TSPAN11: variants seen among roughly 807,000 people sequenced by gnomAD.
TSPAN11 encodes the protein tetraspanin 11.
Under a neutral mutation model 32.9 loss-of-function variants are expected in TSPAN11, and 29 were observed. That is an observed-to-expected ratio of 0.88 (90% CI 0.66 to 1.20). The LOEUF (loss-of-function observed/expected upper bound fraction) is 1.20, where lower values mean the gene tolerates loss of function less well. Ranked by LOEUF, TSPAN11 falls within the 50% of genes most tolerant of loss-of-function variation. The pLI is 0.00. For synonymous variants in TSPAN11, 140 were observed against 141.3 expected (o/e 0.99, Z 0.07); for missense variants, 283 against 329.1 (o/e 0.86, Z 1.08).
At chr12:30,932,631 T>C (rs1340373307) in intron 1 of TSPAN11, among the ~76,000 whole-genome samples, 1 of 152,182 alleles carries the variant, frequency 6.6e-6, no homozygotes, top group African/African-American at 2.4e-5. Flanking sequence ...CAGTGATTCA[T>C]ACCCTGTTTG....
At chr12:31,012,251 G>A in the TSPAN11 span, among the ~76,000 whole-genome samples, 1 of 152,246 alleles carries the variant, frequency 6.6e-6, no homozygotes, top group African/African-American at 2.4e-5. Flanking sequence ...ACTTGTAGCA[G>A]GGAACCCCCA....
chr12:30,947,750 C>A (rs1011312318), intron 1 of TSPAN11, among the ~76,000 whole-genome samples: 39 of 152,124 alleles, frequency 2.6e-4, no homozygotes, highest in African/African-American at 8.5e-4. Context: ...AGGACACAGC[C>A]AAACCTTATC....
chr12:31,013,736 GA>G, the TSPAN11 span, among the ~76,000 whole-genome samples: 169 of 152,294 alleles, frequency 1.1e-3, no homozygotes, highest in Admixed American at 3.5e-3. Context: ...CCAGGAAAAA[GA>G]ATGATAAAGA....
At chr12:30,942,164 A>G (rs906789372) in intron 1 of TSPAN11, among the ~76,000 whole-genome samples, 2 of 152,208 alleles carry the variant, frequency 1.3e-5, no homozygotes, top group Non-Finnish European at 2.9e-5. Flanking sequence ...ATTGTCCTTC[A>G]TCGGGAAGCT....
At chr12:30,981,991 G>A (rs1939101827) in intron 5 of TSPAN11, among the ~76,000 whole-genome samples, 1 of 152,156 alleles carries the variant, frequency 6.6e-6, no homozygotes, top group Non-Finnish European at 1.5e-5. Flanking sequence ...TGGTACAGAT[G>A]ACCCCAGGTC....
intron 3 of TSPAN11, among the ~76,000 whole-genome samples, chr12:30,973,868 A>C (rs1350507329): frequency 6.6e-6 from 1 of 152,140 alleles, no homozygotes; most frequent in African/African-American, 2.4e-5. Context: ...CCCTAACACA[A>C]ACCTTATGGC....
intron 1 of TSPAN11, among the ~76,000 whole-genome samples, chr12:30,951,026 T>G (rs1281685071): frequency 6.6e-6 from 1 of 152,182 alleles, no homozygotes; most frequent in Non-Finnish European, 1.5e-5. Context: ...ACAATCATAG[T>G]GGGAGTCTGT....
the TSPAN11 span, among the ~76,000 whole-genome samples, chr12:31,014,912 T>TAAC: frequency 1.3e-5 from 2 of 152,208 alleles, no homozygotes; most frequent in Non-Finnish European, 2.9e-5. Flanking sequence ...ACTTCTTGTT[T>TAAC]AGTGGAAAGA....
rs891420319 is a variant in TSPAN11 at position 30,992,321 on chromosome 12, C to G, written c.*406C>G. ...TCCTGCATTCAGCACGGGATTCCCC[C>G]ACCCATGCCCAGAAGCCCTGACCTT... is the stretch of plus-strand genomic sequence containing the variant. On this transcript the variant is annotated 3_prime_UTR_variant, in exon 8 of 8. Coordinates refer to ENST00000546076, the MANE Select transcript of TSPAN11 (RefSeq NM_001370302.1). The G allele has an allele frequency of 1.2e-5, 3 of 244,434 alleles. No individual in the cohort carries two copies. The highest frequency in any genetic ancestry group is 2.5e-5 in the Non-Finnish European group (3 of 122,114). The allele number at this position is 244,434 out of a possible 1,614,324, so 15.1% of individuals were successfully genotyped here.
chr12:30,927,560 C>G (rs1937827275), intron 1 of TSPAN11, among the ~76,000 whole-genome samples: 1 of 147,832 alleles, frequency 6.8e-6, no homozygotes, highest in Non-Finnish European at 1.5e-5. Flanking sequence ...GTCTCCAGTT[C>G]GTGGCAAGTA....
chr12:30,929,567 T>G (rs1440962460), intron 1 of TSPAN11, among the ~76,000 whole-genome samples: 1 of 152,136 alleles, frequency 6.6e-6, no homozygotes, highest in Non-Finnish European at 1.5e-5. Flanking sequence ...AGGGTGACTC[T>G]GTCTGTTATC....
At chr12:30,978,930 A>G in intron 4 of TSPAN11, 1 of 426,900 alleles carries the variant, frequency 2.3e-6, no homozygotes, top group Non-Finnish European at 4.2e-6. Context: ...GGATGAATCC[A>G]TCTGTCAGAG....
intron 2 of TSPAN11, among the ~76,000 whole-genome samples, chr12:30,962,850 C>G (rs909905559): frequency 1.3e-5 from 2 of 152,184 alleles, no homozygotes; most frequent in African/African-American, 2.4e-5. Flanking sequence ...GTCCTGTCCC[C>G]AAATCCTGGG....
At chr12:30,951,337 A>C (rs1018694377) in intron 1 of TSPAN11, among the ~76,000 whole-genome samples, 1 of 152,204 alleles carries the variant, frequency 6.6e-6, no homozygotes, top group Non-Finnish European at 1.5e-5. Flanking sequence ...ACTAAAATTG[A>C]GAAGTTCTAT....
At chr12:30,946,914 C>G (rs749755506) in intron 1 of TSPAN11, among the ~76,000 whole-genome samples, 3 of 152,266 alleles carry the variant, frequency 2.0e-5, no homozygotes, top group East Asian at 3.9e-4. Flanking sequence ...TTGCCTGCCC[C>G]CTACTGTCTG....
In TSPAN11 at chr12:30,975,887, C is replaced by A. The variant is rs1785489643; in HGVS notation, c.277-2674C>A. On this transcript the variant is annotated intron_variant, in intron 3 of 7. Transcript: ENST00000546076. The surrounding 1 kb of genome is among the most constrained non-coding windows in gnomAD (Gnocchi z 4.5). ...CCCATGCCCCAGAGGTCTCTGGGAG[C>A]CACTGGCATCAATGCCTTCAGGTCC... Among the ~76,000 whole-genome samples the A allele has an allele frequency of 2.0e-5, 3 of 152,206 alleles. No individual in the cohort carries two copies. In the South Asian group the frequency reaches 6.2e-4, roughly 31 times the overall value.
the TSPAN11 span, among the ~76,000 whole-genome samples, chr12:31,005,087 T>C: frequency 2.0e-5 from 3 of 152,140 alleles, no homozygotes; most frequent in African/African-American, 7.2e-5. Flanking sequence ...TAGTGATTTG[T>C]CCTGACTGAG....
the TSPAN11 span, among the ~76,000 whole-genome samples, chr12:31,003,668 T>A: frequency 2.0e-5 from 3 of 152,298 alleles, no homozygotes; most frequent in East Asian, 5.8e-4. Flanking sequence ...ACTTGAGCAC[T>A]TGTTTGGTGA....
downstream of TSPAN11, among the ~76,000 whole-genome samples, chr12:30,999,706 G>A (rs970799454): frequency 6.6e-6 from 1 of 152,102 alleles, no homozygotes; most frequent in Admixed American, 6.6e-5. Context: ...CATCTGTCTT[G>A]GGATTCCAGA....
Sources: allele counts gnomAD v4.1 joint callset (sites outside exome capture counted in the v4.1 genomes callset), GRCh38; gene constraint gnomAD v4.1.1; non-coding constraint Gnocchi (gnomAD v3.1); transcripts MANE v1.5; gene names NCBI Gene and HGNC (gene_info 2026-07-23, HGNC 2026-07-21).